Variants in CPA5 observed in about 807,000 individuals in gnomAD.
CPA5 encodes the protein carboxypeptidase A5, also known as testicular tissue protein Li 32.
In CPA5, 38 loss-of-function variants were observed where a neutral mutation model predicts 52.2. The ratio of observed to expected loss-of-function variants is 0.73; its 90% CI spans 0.56 to 0.95. The LOEUF is 0.95. CPA5 is among the 40% of genes least tolerant of loss of function. The pLI is 0.00. For missense variants in CPA5, 519 were observed against 566.7 expected (o/e 0.92, Z 0.86); for synonymous variants, 198 against 213.7 (o/e 0.93, Z 0.64).
intron 4 of CPA5, 149 bp downstream of exon 4, chr7:130,347,996 A>T (rs4731682): frequency 1.7e-6 from 1 of 602,180 alleles, no homozygotes; most frequent in East Asian, 3.0e-5. Context: ...ACGTGGCTCC[A>T]CTTCAGGAAA....
intron 5 of CPA5, among the ~76,000 whole-genome samples, chr7:130,354,699 C>T: frequency 6.6e-6 from 1 of 152,128 alleles, no homozygotes; most frequent in East Asian, 1.9e-4. Flanking sequence ...TAGGCGTGAA[C>T]CACGAGAGGT....
At chr7:130,363,063 T>A in intron 9 of CPA5, 69 bp downstream of exon 9, 1 of 966,390 alleles carries the variant, frequency 1.0e-6, no homozygotes, top group Non-Finnish European at 1.6e-6. Flanking sequence ...GTCACTGTGC[T>A]TTGGGAACCA....
At chr7:130,357,870 C>A (rs1307510789) in intron 5 of CPA5, among the ~76,000 whole-genome samples, 1 of 151,920 alleles carries the variant, frequency 6.6e-6, no homozygotes, top group African/African-American at 2.4e-5. Context: ...CTGTTGTTAA[C>A]ACTTGCATGC....
At chr7:130,351,684 G>A (rs1554403992) in intron 5 of CPA5, among the ~76,000 whole-genome samples, 1 of 152,174 alleles carries the variant, frequency 6.6e-6, no homozygotes, top group East Asian at 1.9e-4. Flanking sequence ...TGATGATGGG[G>A]AGGGGTCCAG....
In CPA5 at chr7:130,368,429, C is replaced by A; in HGVS notation, c.1143C>A (p.Thr381=). 2 of 1,614,006 alleles carry A rather than the reference C, an allele frequency of 1.2e-6. No individual in the cohort carries two copies. Among genetic ancestry groups the A allele is most frequent in the Non-Finnish European group, 1.7e-6 (2 of 1,179,978 alleles). ...STTLYVASGI[T]VDWAYDSGIK... The stretch of plus-strand genomic sequence containing the variant: ...TTCTAGATGTGGCCAGTGGGATCAC[C>A]GTCGACTGGGCCTATGACAGTGGCA... Residue 381 remains threonine, a synonymous_variant, in exon 13 of 13, where the codon ACC becomes ACA. Coordinates refer to ENST00000474905, the MANE Select transcript of CPA5 (RefSeq NM_080385.5).
chr7:130,369,688 C>CGTGT (rs551759107), downstream of CPA5, among the ~76,000 whole-genome samples: 2 of 151,470 alleles, frequency 1.3e-5, no homozygotes, highest in Non-Finnish European at 2.9e-5. Flanking sequence ...TGTGTGTGTC[C>CGTGT]GTGTGTGTGT....
At chr7:130,345,572 C>T (rs1794684111) in intron 1 of CPA5, 1 of 152,260 alleles carries the variant, frequency 6.6e-6, no homozygotes, top group Non-Finnish European at 1.5e-5. Context: ...ACTCTGCTGT[C>T]TGTTGAGAAC....
At chr7:130,362,843 AC>A in intron 8 of CPA5, 40 bp from the exon 9 acceptor site, 1 of 1,313,530 alleles carries the variant, frequency 7.6e-7, no homozygotes. Flanking sequence ...CTCCCAGGAG[AC>A]CCAGTAGGGC....
rs782504506 is a variant in CPA5, at chr7:130,346,588, A to G, written c.103A>G (p.Met35Val). ...SFILAAALGQMNFTGDQVLRV... is the reference protein window; with the variant it reads ...SFILAAALGQVNFTGDQVLRV... ...TATCCTGGCAGCAGCTTTGGGCCAA[A>G]TGAATTTCACAGGGTGAGTGGCTGC... The change falls in exon 3 of 13, where the codon ATG (methionine) becomes GTG (valine). Residue 35 changes from methionine to valine, a missense_variant. Coordinates refer to ENST00000474905, the MANE Select transcript of CPA5 (RefSeq NM_080385.5). 2 of 1,613,764 alleles carry G rather than the reference A, an allele frequency of 1.2e-6. No homozygotes were observed. The highest frequency in any genetic ancestry group is 2.2e-5 in the South Asian group (2 of 91,060).
chr7:130,359,982 G>A (rs1372552159), intron 6 of CPA5, among the ~76,000 whole-genome samples: 2 of 152,160 alleles, frequency 1.3e-5, no homozygotes, highest in Non-Finnish European at 2.9e-5. Flanking sequence ...GACCCATTAT[G>A]GGCCAGAATA....
At chr7:130,371,910 C>G (rs868955171), downstream of CPA5, among the ~76,000 whole-genome samples, 1 of 152,272 alleles carries the variant, frequency 6.6e-6, no homozygotes, top group South Asian at 2.1e-4. Flanking sequence ...GCCCTGTCTA[C>G]CTCTCCTGCC....
At chr7:130,368,372 T>A in intron 12 of CPA5, 38 bp from the exon 13 acceptor site, 1 of 1,603,608 alleles carries the variant, frequency 6.2e-7, no homozygotes, top group Non-Finnish European at 8.5e-7. Flanking sequence ...ATCCCCTTCT[T>A]CCTTTTGTGG....
Position 130,362,470 on chromosome 7 carries a change from C to T in CPA5, c.567C>T (p.Ile189=), listed in dbSNP as rs1554406969. 9 of 1,613,508 alleles carry T rather than the reference C, an allele frequency of 5.6e-6. No homozygotes were observed. Among genetic ancestry groups the T allele is most frequent in the Non-Finnish European group, 7.6e-6 (9 of 1,179,640 alleles). ...FSTGGSRHPA[I]WIDTGIHSRE... ...CTGGAGGTTCTCGGCACCCAGCCAT[C>T]TGGATTGACACTGGAATTCACTCCC... Residue 189 remains isoleucine, a synonymous_variant, in exon 8 of 13, where the codon ATC becomes ATT. Coordinates refer to ENST00000474905, the MANE Select transcript of CPA5 (RefSeq NM_080385.5).
intron 10 of CPA5, among the ~76,000 whole-genome samples, chr7:130,364,436 A>G (rs1795963282): frequency 6.6e-6 from 1 of 151,962 alleles, no homozygotes; most frequent in Non-Finnish European, 1.5e-5. Context: ...CAGGTGATCC[A>G]CTCACCTCGG....
At chr7:130,368,326 C>T in intron 12 of CPA5, 84 bp from the exon 13 acceptor site, 1 of 1,409,826 alleles carries the variant, frequency 7.1e-7, no homozygotes, top group South Asian at 1.3e-5. Flanking sequence ...CCAGGGCTCA[C>T]TTTCCACCCA....
the CPA5 span, among the ~76,000 whole-genome samples, chr7:130,374,293 G>C: frequency 6.6e-6 from 1 of 152,146 alleles, no homozygotes; most frequent in Non-Finnish European, 1.5e-5. Flanking sequence ...GCCCCTGAAG[G>C]AGAACTCCAG....
intron 5 of CPA5, among the ~76,000 whole-genome samples, chr7:130,350,900 G>A (rs1347016408): frequency 3.9e-5 from 6 of 152,174 alleles, no homozygotes; most frequent in Non-Finnish European, 8.8e-5. Flanking sequence ...AAGCCTCCCC[G>A]GCTGCATCTT....
intron 7 of CPA5, among the ~76,000 whole-genome samples, chr7:130,361,568 G>A (rs2117414221): frequency 6.6e-6 from 1 of 152,226 alleles, no homozygotes; most frequent in Middle Eastern, 3.4e-3. Flanking sequence ...TATTACCTCA[G>A]TTGCTTCATC....
intron 5 of CPA5, among the ~76,000 whole-genome samples, chr7:130,352,747 A>C (rs969727187): frequency 6.6e-6 from 1 of 152,126 alleles, no homozygotes; most frequent in African/African-American, 2.4e-5. Context: ...GGTGGTGAGG[A>C]AATTGCAGTG....
Sources: allele counts gnomAD v4.1 joint callset (sites outside exome capture counted in the v4.1 genomes callset), GRCh38; gene constraint gnomAD v4.1.1; transcripts MANE v1.5; gene names NCBI Gene and HGNC (gene_info 2026-07-23, HGNC 2026-07-21).